The following TSTD2 variants were observed in gnomAD, a reference collection of about 807,000 sequenced individuals.
TSTD2 encodes thiosulfate sulfurtransferase/rhodanese-like domain-containing protein 2.
In TSTD2, 37 loss-of-function variants were observed where a neutral mutation model predicts 47.9. The ratio of observed to expected loss-of-function variants is 0.77; its 90% CI spans 0.59 to 1.02. The LOEUF is 1.02. TSTD2 is among the 50% of genes least tolerant of loss of function. The pLI is 0.00. For synonymous variants in TSTD2, 201 were observed against 215.9 expected (o/e 0.93, Z 0.61); for missense variants, 586 against 616.0 (o/e 0.95, Z 0.52).
intron 1 of TSTD2, among the ~76,000 whole-genome samples, chr9:97,630,581 C>G (rs1826793588): frequency 6.6e-6 from 1 of 152,182 alleles, no homozygotes; most frequent in African/African-American, 2.4e-5. Context: ...CTTATTACCC[C>G]AACCTCTAAA....
intron 8 of TSTD2, among the ~76,000 whole-genome samples, 153 bp downstream of exon 8, chr9:97,605,330 C>A (rs571182124): frequency 6.6e-6 from 1 of 152,148 alleles, no homozygotes; most frequent in Non-Finnish European, 1.5e-5. Flanking sequence ...TTTGTACTTA[C>A]GAACTCCATG....
Position 97,600,291 on chromosome 9 carries a change from TC to T in TSTD2, c.*2177del. On this transcript the variant is annotated 3_prime_UTR_variant, in exon 10 of 10. Transcript: ENST00000341170. ...ACTCTGCCAGGAGTCAACATGAGAT[TC>T]CTTTTGCTGGATATGCAGAAATGAT... The T allele has an allele frequency of 1.0e-6, 1 of 986,222 alleles. No homozygotes were observed. Among genetic ancestry groups the T allele is most frequent in the Non-Finnish European group, 1.2e-6 (1 of 830,232 alleles). 61.1% of individuals were successfully genotyped at this position (986,222 alleles called of 1,614,324 possible). A position where few individuals can be genotyped will look rare whatever the true frequency, so the allele number is the denominator to read the frequency against.
At chr9:97,613,772 G>C (rs770260503) in intron 4 of TSTD2, among the ~76,000 whole-genome samples, 1 of 149,950 alleles carries the variant, frequency 6.7e-6, no homozygotes, top group East Asian at 2.0e-4. Context: ...TTTAATGGCT[G>C]TCCTTTTTTA....
intron 9 of TSTD2, among the ~76,000 whole-genome samples, chr9:97,603,447 A>T (rs1212677023): frequency 6.6e-6 from 1 of 152,206 alleles, no homozygotes; most frequent in Non-Finnish European, 1.5e-5. Flanking sequence ...TAACCTCTGT[A>T]AAATCAAATC....
intron 9 of TSTD2, chr9:97,604,101 G>A (rs1826322838): frequency 6.6e-6 from 1 of 152,078 alleles, no homozygotes; most frequent in Non-Finnish European, 1.5e-5. Flanking sequence ...ATAATAAGAC[G>A]TGCCATTTAT....
chr9:97,601,112 C>G lies in TSTD2; in HGVS notation c.*1357G>C. 1 of 1,304,316 alleles carries G rather than the reference C, an allele frequency of 7.7e-7. No individual in the cohort carries two copies. The highest frequency in any genetic ancestry group is 1.0e-6 in the Non-Finnish European group (1 of 988,950). 80.8% of individuals were successfully genotyped at this position (1,304,316 alleles called of 1,614,324 possible). On this transcript the variant is annotated 3_prime_UTR_variant, in exon 10 of 10. Transcript: ENST00000341170. The stretch of plus-strand genomic sequence containing the variant: ...GGGCCTCAGCGCTATGGAAGAGTGT[C>G]CACTGAGGCTGCACATGGCCCAGGA...
Position 97,602,746 on chromosome 9 carries a change from C to T in TSTD2, c.1274G>A (p.Arg425His), listed in dbSNP as rs201508639. 40 of 1,612,638 alleles carry T rather than the reference C, an allele frequency of 2.5e-5. No homozygotes were observed. Among genetic ancestry groups the T allele is most frequent in the Non-Finnish European group, 3.1e-5 (37 of 1,179,208 alleles). Reference sequence around the variant, plus strand: ...AGAGCAGAGTTTATACTGGTCCCAGCGGGCTCCACAGTATGAACACTCTGG... The same window carrying T: ...AGAGCAGAGTTTATACTGGTCCCAGTGGGCTCCACAGTATGAACACTCTGG... ...VVSECSYCGA[R>H]WDQYKLCSTP... The change falls in exon 10 of 10, where the codon CGC becomes CAC. Residue 425 changes from arginine (R) to histidine (H), a missense_variant. Physicochemically the swap from Arg to His is conservative, Grantham distance 29. Transcript: ENST00000341170.
Position 97,611,442 on chromosome 9 carries a change from G to A in TSTD2, c.729+132C>T. The A allele has an allele frequency of 2.7e-6, 3 of 1,092,504 alleles. No homozygotes were observed. The South Asian group carries it at 6.3e-5, about 23-fold the overall frequency. The allele number at this position is 1,092,504 out of a possible 1,614,324, so 67.7% of individuals were successfully genotyped here. A position where few individuals can be genotyped will look rare whatever the true frequency, so the allele number is the denominator to read the frequency against. ...AAAACAAAACAAAAAAACTCCCCAA[G>A]CCCCAAAAAATAAAGGGGAAAGGGT... On this transcript the variant is annotated intron_variant, in intron 5 of 9. Transcript: ENST00000341170.
At position 97,602,543 on chromosome 9, in the gene TSTD2, A is replaced by G. The variant is rs770945922; in HGVS notation, c.1477T>C (p.Leu493=). 37 of 1,614,094 alleles carry G rather than the reference A, an allele frequency of 2.3e-5. No individual in the cohort carries two copies. Among genetic ancestry groups the G allele is most frequent in the Middle Eastern group, 3.3e-4 (2 of 6,084 alleles). ...CTCACAGGCTGTCGCACATGCTGCA[A>G]GAGTTCCCTAGGTATGCGTGGCCGT... ...ARRPRIPREL[L]QHVRQPVSPE... The change falls in exon 10 of 10, where the codon TTG becomes CTG. Residue 493 remains leucine (L), a synonymous_variant. Transcript: ENST00000341170.
chr9:97,603,130 T>C (rs533886906), intron 9 of TSTD2: 1 of 204,536 alleles, frequency 4.9e-6, no homozygotes, highest in South Asian at 1.2e-4. Flanking sequence ...TTTTCCTCTT[T>C]GATTGTTCCC....
chr9:97,604,640 G>C, intron 9 of TSTD2, 87 bp downstream of exon 9: 1 of 1,573,272 alleles, frequency 6.4e-7, no homozygotes. Flanking sequence ...ATGAGCACTG[G>C]CCTGTCTTCC....
At chr9:97,608,234 T>C (rs1170905483) in intron 6 of TSTD2, among the ~76,000 whole-genome samples, 1 of 152,150 alleles carries the variant, frequency 6.6e-6, no homozygotes, top group Non-Finnish European at 1.5e-5. Context: ...GACTTCTACC[T>C]GCAGGAAGCC....
At chr9:97,618,198 T>A (rs989081065) in intron 3 of TSTD2, among the ~76,000 whole-genome samples, 105 of 152,356 alleles carry the variant, frequency 6.9e-4, no homozygotes, top group African/African-American at 2.3e-3. Flanking sequence ...TTCTGGCCTA[T>A]CCTCTCACAT....
intron 1 of TSTD2, 141 bp downstream of exon 1, chr9:97,633,102 G>C (rs1039349520): frequency 6.5e-6 from 1 of 153,346 alleles, no homozygotes. Flanking sequence ...CGTCAGGGCC[G>C]GCCTTTCCAT....
chr9:97,611,633 CAT>C lies in TSTD2; in HGVS notation c.668_669del (p.Tyr223CysfsTer11), dbSNP rs1439950491. On this transcript the variant is annotated frameshift_variant, in exon 5 of 10. Coordinates refer to ENST00000341170, the MANE Select transcript of TSTD2 (RefSeq NM_139246.5). LOFTEE classifies it high-confidence loss of function. ...VGGSKLATRL[Y>X]VEVMLSFPLF... ...AATGGGAAGGAAAGCATGACTTCCA[CAT>C]AAAGTCTGGTAGCCAATTTGCTTCC... is the stretch of plus-strand genomic sequence containing the variant. 6.2e-7 allele frequency: 1 copy of C among 1,610,902 alleles called. No homozygotes were observed. The highest frequency in any genetic ancestry group is 8.5e-7 in the Non-Finnish European group (1 of 1,177,212).
rs759265850 is a variant in TSTD2, at chr9:97,604,814, C to T, written c.1165G>A (p.Glu389Lys). 29 of 1,614,226 alleles carry T rather than the reference C, an allele frequency of 1.8e-5. No homozygotes were observed. Among genetic ancestry groups the T allele is most frequent in the Non-Finnish European group, 2.4e-5 (28 of 1,180,036 alleles). Residue 389 changes from glutamate to lysine, a missense_variant, in exon 9 of 10, where the codon GAA becomes AAA. By Grantham distance (56) the Glu-to-Lys change is moderately conservative. Coordinates refer to ENST00000341170, the MANE Select transcript of TSTD2 (RefSeq NM_139246.5). ...TTGTAAAAGCCATCAGGAAACTCTTCCAGGTACTTGTGGATGCCACCCTTG... is the reference window on the plus strand; with the variant it reads ...TTGTAAAAGCCATCAGGAAACTCTTTCAGGTACTTGTGGATGCCACCCTTG... ...QLKGGIHKYL[E>K]EFPDGFYKGK...
intron 3 of TSTD2, among the ~76,000 whole-genome samples, chr9:97,625,413 T>C (rs183104223): frequency 5.3e-5 from 8 of 152,330 alleles, no homozygotes; most frequent in Admixed American, 5.2e-4. Flanking sequence ...TCTGTGGATA[T>C]GTTTTTATTG....
intron 9 of TSTD2, among the ~76,000 whole-genome samples, chr9:97,603,400 A>C (rs771380754): frequency 5.3e-5 from 8 of 152,062 alleles, no homozygotes; most frequent in Non-Finnish European, 1.2e-4. Context: ...TCTCTCCTTC[A>C]TACTCACACG....
chr9:97,619,583 T>C (rs1164375966), intron 3 of TSTD2, among the ~76,000 whole-genome samples: 1 of 152,132 alleles, frequency 6.6e-6, no homozygotes, highest in East Asian at 1.9e-4. Flanking sequence ...TAATGTGATC[T>C]TCCTGCCTTG....
Sources: allele counts gnomAD v4.1 joint callset (sites outside exome capture counted in the v4.1 genomes callset), GRCh38; gene constraint gnomAD v4.1.1; transcripts MANE v1.5; gene names NCBI Gene and HGNC (gene_info 2026-07-23, HGNC 2026-07-21).